Variants in WNT3 observed in about 807,000 individuals in gnomAD.
The protein encoded by WNT3 is proto-oncogene Wnt-3.
WNT3 carries 7 observed loss-of-function variants against 34.2 expected under a neutral mutation model. That is an observed-to-expected ratio of 0.20 (90% CI 0.12 to 0.38). The LOEUF is 0.38. Ranked by LOEUF, WNT3 falls within the 10% of genes least tolerant of loss-of-function variation. WNT3 has a pLI of 1.00. For missense variants in WNT3, 267 were observed against 499.8 expected, an observed-to-expected ratio of 0.53 and a Z score of 4.44; for synonymous variants, 212 against 211.5, an observed-to-expected ratio of 1.00 and a Z score of -0.02.
intron 1 of WNT3, among the ~76,000 whole-genome samples, chr17:46,809,637 G>T (rs1012565788): frequency 1.3e-5 from 2 of 152,104 alleles, no homozygotes; most frequent in Admixed American, 1.3e-4. Flanking sequence ...CTTTGCCCTC[G>T]CCCCCCTCAC....
At chr17:46,813,055 G>C (rs2084296590) in intron 1 of WNT3, among the ~76,000 whole-genome samples, 1 of 152,130 alleles carries the variant, frequency 6.6e-6, no homozygotes, top group African/African-American at 2.4e-5. Flanking sequence ...AGTGTTTGGG[G>C]CGAGGTTTGG....
intron 1 of WNT3, among the ~76,000 whole-genome samples, chr17:46,816,300 T>G (rs2084345616): frequency 6.6e-6 from 1 of 152,132 alleles, no homozygotes; most frequent in African/African-American, 2.4e-5. Flanking sequence ...ACCAGCCACT[T>G]GCTCACACTC....
intron 1 of WNT3, among the ~76,000 whole-genome samples, chr17:46,812,672 C>A (rs1451433105): frequency 6.6e-6 from 1 of 152,128 alleles, no homozygotes; most frequent in African/African-American, 2.4e-5. Flanking sequence ...CCAGCACCCT[C>A]AACTTAAGAA....
chr17:46,773,616 T>TGGTGGGGGGGGGGGGGGGGGGGGGGG, intron 2 of WNT3, 52 bp downstream of exon 2: 1 of 997,790 alleles, frequency 1.0e-6, no homozygotes, highest in East Asian at 3.5e-5. Context: ...CATACAGTCC[T>TGGTGGGGGGGGGGGGGGGGGGGGGGG]GATCCCTCCC....
intron 1 of WNT3, among the ~76,000 whole-genome samples, chr17:46,788,403 C>T (rs1294901859): frequency 6.6e-6 from 1 of 152,202 alleles, no homozygotes; most frequent in Non-Finnish European, 1.5e-5. Flanking sequence ...CTGGTTCCCA[C>T]ACCAGGACTT....
intron 1 of WNT3, among the ~76,000 whole-genome samples, chr17:46,786,696 G>A (rs1349380972): frequency 3.3e-5 from 5 of 152,188 alleles, no homozygotes; most frequent in African/African-American, 9.6e-5. Context: ...ACACAAAGGG[G>A]TGCCGTGCTC....
At chr17:46,804,013 A>G (rs1217568475) in intron 1 of WNT3, among the ~76,000 whole-genome samples, 1 of 152,070 alleles carries the variant, frequency 6.6e-6, no homozygotes, top group Non-Finnish European at 1.5e-5. Context: ...GGCAAGCTCC[A>G]TCCTTGCACC....
At chr17:46,791,109 G>C (rs1253224055) in intron 1 of WNT3, among the ~76,000 whole-genome samples, 1 of 152,144 alleles carries the variant, frequency 6.6e-6, no homozygotes, top group African/African-American at 2.4e-5. Flanking sequence ...ACACTCTTTG[G>C]CTTCAAGGCA....
chr17:46,816,094 A>G (rs1173327267), intron 1 of WNT3, among the ~76,000 whole-genome samples: 1 of 107,726 alleles, frequency 9.3e-6, no homozygotes, highest in Non-Finnish European at 2.0e-5. Flanking sequence ...CACTGTCATG[A>G]AGGCATGCGC....
chr17:46,818,388 G>T, intron 1 of WNT3, 130 bp downstream of exon 1: 2 of 842,356 alleles, frequency 2.4e-6, no homozygotes, highest in Non-Finnish European at 3.8e-6. Flanking sequence ...AGGGGTGGGC[G>T]GGTGGGGGGC....
intron 1 of WNT3, among the ~76,000 whole-genome samples, chr17:46,815,960 G>T (rs946586401): frequency 5.9e-5 from 9 of 152,096 alleles, no homozygotes; most frequent in African/African-American, 2.2e-4. Context: ...GATCACAGGC[G>T]GACTCAGACA....
intron 1 of WNT3, among the ~76,000 whole-genome samples, chr17:46,802,062 G>A (rs1036471851): frequency 3.3e-5 from 5 of 152,152 alleles, no homozygotes; most frequent in Non-Finnish European, 2.9e-5. Flanking sequence ...TCGCCTGTAC[G>A]CATGTTTGTG....
chr17:46,786,889 T>G (rs1392800177), intron 1 of WNT3, among the ~76,000 whole-genome samples: 1 of 152,020 alleles, frequency 6.6e-6, no homozygotes, highest in Non-Finnish European at 1.5e-5. Context: ...CTGGGGGTGC[T>G]CATCAGTACA....
intron 1 of WNT3, among the ~76,000 whole-genome samples, chr17:46,804,956 T>G (rs1167672458): frequency 1.1e-5 from 1 of 92,732 alleles, no homozygotes; most frequent in Non-Finnish European, 2.0e-5. Context: ...CCAACCCCCT[T>G]GGGTCGCCTT....
At chr17:46,784,904 T>G (rs1292179435) in intron 1 of WNT3, among the ~76,000 whole-genome samples, 1 of 151,490 alleles carries the variant, frequency 6.6e-6, no homozygotes, top group Admixed American at 6.6e-5. Context: ...GCCTCCCGAG[T>G]AGCTGGGACT....
At chr17:46,793,182 G>C (rs909260100) in intron 1 of WNT3, among the ~76,000 whole-genome samples, 14 of 149,342 alleles carry the variant, frequency 9.4e-5, no homozygotes, top group African/African-American at 3.2e-4. Flanking sequence ...GCTGAGTTGG[G>C]AGGATTGCTT....
rs550931178 is a variant in WNT3, at chr17:46,795,078, G to T, written c.81-21169C>A. Among the ~76,000 whole-genome samples, 3 of 152,140 alleles carry T rather than the reference G, an allele frequency of 2.0e-5. No homozygotes were observed. The South Asian group carries it at 6.2e-4, about 32-fold the overall frequency. On this transcript the variant is annotated intron_variant, in intron 1 of 4. Transcript: ENST00000225512. ...TCCCAGGACATTTCTGAGACACCTG[G>T]TGGGAATTCTTACCTGCTTACCTCA...
chr17:46,813,254 C>A (rs2084299547), intron 1 of WNT3, among the ~76,000 whole-genome samples: 1 of 151,680 alleles, frequency 6.6e-6, no homozygotes, highest in Admixed American at 6.6e-5. Flanking sequence ...GCAAAAGGGA[C>A]CCCTCCATGT....
At chr17:46,800,027 G>A (rs1235619878) in intron 1 of WNT3, among the ~76,000 whole-genome samples, 1 of 149,764 alleles carries the variant, frequency 6.7e-6, no homozygotes, top group Non-Finnish European at 1.5e-5. Flanking sequence ...TGCTGTCCCA[G>A]AGAGTGGGGA....
Sources: gnomAD v4.1 joint callset for allele counts (sites outside exome capture counted in the v4.1 genomes callset) on GRCh38, gnomAD v4.1.1 for gene constraint, MANE v1.5 for transcripts, NCBI Gene and HGNC (gene_info 2026-07-23, HGNC 2026-07-21) for gene names.